Variants in GMDS observed in about 807,000 individuals in gnomAD.
The protein encoded by GMDS is GDP-mannose 4,6 dehydratase.
Under a neutral mutation model 49.9 loss-of-function variants are expected in GMDS, and 20 were observed. That is an observed-to-expected ratio of 0.40 (90% CI 0.28 to 0.58). The LOEUF (loss-of-function observed/expected upper bound fraction) is 0.58. Ranked by LOEUF, GMDS falls within the 20% of genes least tolerant of loss-of-function variation. The pLI, the probability that GMDS is intolerant of heterozygous loss-of-function variation, is 0.42. For synonymous variants in GMDS, 177 were observed against 178.6 expected, an observed-to-expected ratio of 0.99 and a Z score of 0.07; for missense variants, 362 against 481.4, an observed-to-expected ratio of 0.75 and a Z score of 2.32.
Position 2,089,887 on chromosome 6 carries a change from T to C in GMDS, c.345+25884A>G, listed in dbSNP as rs564937648. 2.6e-5 allele frequency among the ~76,000 whole-genome samples: 4 copies of C among 152,294 alleles called. No homozygotes were observed. The East Asian group carries it at 5.8e-4, about 22-fold the overall frequency. On this transcript the variant is annotated intron_variant, in intron 4 of 10. Coordinates refer to ENST00000380815, the MANE Select transcript of GMDS (RefSeq NM_001500.4). Reference sequence around the variant, plus strand: ...CTGCGTAGCACAAAAGTACTTTTCCTGTGGAACACGCTGGGGCCATGTGGA... The same window carrying C: ...CTGCGTAGCACAAAAGTACTTTTCCCGTGGAACACGCTGGGGCCATGTGGA...
intron 1 of GMDS, among the ~76,000 whole-genome samples, chr6:2,125,177 C>G: frequency 6.6e-6 from 1 of 152,154 alleles, no homozygotes; most frequent in East Asian, 1.9e-4. Context: ...GTTGCTCACA[C>G]CTATAATCCT....
At chr6:2,233,348 C>T (rs191891360) in intron 1 of GMDS, among the ~76,000 whole-genome samples, 29 of 152,310 alleles carry the variant, frequency 1.9e-4, no homozygotes, top group African/African-American at 6.3e-4. Context: ...ATTCCACTAT[C>T]CACCCTAAGG....
At position 1,841,233 on chromosome 6, in the gene GMDS, C is replaced by G. The variant is rs555476578; in HGVS notation, c.771+88870G>C. ...GTGCTAAAAATCAAATGAACTCTCT[C>G]TCCTAGAATCCCTTGCTCTCAGAAC... is the stretch of plus-strand genomic sequence containing the variant. On this transcript the variant is annotated intron_variant, in intron 7 of 10. Transcript: ENST00000380815. Among the ~76,000 whole-genome samples the G allele has an allele frequency of 4.6e-5, 7 of 152,326 alleles. No individual in the cohort carries two copies. The South Asian group carries it at 1.4e-3, about 32-fold the overall frequency.
chr6:2,059,743 C>T (rs950985683), intron 4 of GMDS, among the ~76,000 whole-genome samples: 4 of 122,332 alleles, frequency 3.3e-5, no homozygotes, highest in South Asian at 2.9e-4. Context: ...TACTGTTCAA[C>T]TCCTAAAGAA....
intron 7 of GMDS, among the ~76,000 whole-genome samples, chr6:1,873,405 T>C (rs982531963): frequency 2.6e-5 from 4 of 152,122 alleles, no homozygotes; most frequent in African/African-American, 9.7e-5. Flanking sequence ...AAGAGTGCAA[T>C]GCCACAACTA....
At chr6:2,170,040 T>C (rs1222715951) in intron 1 of GMDS, among the ~76,000 whole-genome samples, 2 of 151,972 alleles carry the variant, frequency 1.3e-5, no homozygotes, top group African/African-American at 2.4e-5. Flanking sequence ...CCCATCTCTA[T>C]TAAAAATACA....
At position 2,159,519 on chromosome 6, in the gene GMDS, T is replaced by C. The variant is rs183194733; in HGVS notation, c.103-34788A>G. Among the ~76,000 whole-genome samples the C allele has an allele frequency of 8.7e-3, 1,206 of 138,908 alleles. 12 individuals carry two copies. The highest frequency in any genetic ancestry group is 0.03 in the African/African-American group (1,127 of 37,674). 91.1% of individuals were successfully genotyped at this position (138,908 alleles called of 152,430 possible). A position where few individuals can be genotyped will look rare whatever the true frequency, so the allele number is the denominator to read the frequency against. ...TTTTCAATATTTCTTTTTTTCTTTT[T>C]TTTTTTTTTTTTTTTTTGAGACAGA... On this transcript the variant is annotated intron_variant, in intron 1 of 10. Transcript: ENST00000380815.
Position 2,170,011 on chromosome 6 carries a change from C to G in GMDS, c.103-45280G>C, listed in dbSNP as rs150951737. 1.5e-3 allele frequency among the ~76,000 whole-genome samples: 222 copies of G among 152,302 alleles called. 2 individuals are homozygous for G. In the East Asian group the frequency reaches 0.029, roughly 20 times the overall value. ...CTGAGGTCGGGAGTTCACGACCAGCCTGACCAACATAAAGAAACCCCATCT... is the reference window on the plus strand; with the variant it reads ...CTGAGGTCGGGAGTTCACGACCAGCGTGACCAACATAAAGAAACCCCATCT... On this transcript the variant is annotated intron_variant, in intron 1 of 10. Transcript: ENST00000380815.
chr6:1,915,713 C>G (rs958124353), intron 7 of GMDS, among the ~76,000 whole-genome samples: 1 of 152,232 alleles, frequency 6.6e-6, no homozygotes, highest in Admixed American at 6.5e-5. Flanking sequence ...GGGCCAGACT[C>G]AGCAAGCCTC....
chr6:1,877,238 A>G (rs1282578505), intron 7 of GMDS, among the ~76,000 whole-genome samples: 1 of 152,128 alleles, frequency 6.6e-6, no homozygotes, highest in Non-Finnish European at 1.5e-5. Context: ...AAAGAGGCCA[A>G]AAAAAGGGAA....
At chr6:2,147,541 A>T (rs1460290426) in intron 1 of GMDS, among the ~76,000 whole-genome samples, 2 of 152,072 alleles carry the variant, frequency 1.3e-5, no homozygotes, top group Non-Finnish European at 2.9e-5. Flanking sequence ...TTGAAACCTT[A>T]GCATTAATTA....
At chr6:2,226,814 A>G (rs1780832881) in intron 1 of GMDS, among the ~76,000 whole-genome samples, 1 of 152,222 alleles carries the variant, frequency 6.6e-6, no homozygotes, top group African/African-American at 2.4e-5. Flanking sequence ...GTTAACTAAC[A>G]AGATCTCTTG....
chr6:1,949,149 T>A, intron 6 of GMDS: 1 of 312,924 alleles, frequency 3.2e-6, no homozygotes, highest in Non-Finnish European at 4.7e-6. Flanking sequence ...AAATATGAAA[T>A]AAATCTTCAA....
chr6:1,822,419 G>T (rs1770938134), intron 7 of GMDS, among the ~76,000 whole-genome samples: 1 of 152,092 alleles, frequency 6.6e-6, no homozygotes, highest in Non-Finnish European at 1.5e-5. Flanking sequence ...TTCACAGGAA[G>T]TGAGTTTGTT....
At chr6:1,700,031 A>G (rs1765487440) in intron 9 of GMDS, among the ~76,000 whole-genome samples, 1 of 152,126 alleles carries the variant, frequency 6.6e-6, no homozygotes, top group East Asian at 1.9e-4. Flanking sequence ...TGCAAAAGGG[A>G]GATATTTTTG....
intron 7 of GMDS, among the ~76,000 whole-genome samples, chr6:1,750,177 T>C (rs765663288): frequency 1.1e-4 from 16 of 152,260 alleles, no homozygotes; most frequent in Non-Finnish European, 1.8e-4. Context: ...ATTGTTATAA[T>C]GAAGCAGAAG....
At chr6:1,903,905 G>T (rs147429098) in intron 7 of GMDS, among the ~76,000 whole-genome samples, 1 of 152,216 alleles carries the variant, frequency 6.6e-6, no homozygotes, top group Non-Finnish European at 1.5e-5. Context: ...AGCACATCTG[G>T]GCTTTATATT....
At chr6:1,792,776 C>A (rs1431029248) in intron 7 of GMDS, among the ~76,000 whole-genome samples, 1 of 152,070 alleles carries the variant, frequency 6.6e-6, no homozygotes, top group African/African-American at 2.4e-5. Context: ...TGATAGAATG[C>A]CAAATTTACT....
At chr6:1,891,112 A>G (rs1581313808) in intron 7 of GMDS, among the ~76,000 whole-genome samples, 1 of 152,234 alleles carries the variant, frequency 6.6e-6, no homozygotes, top group Admixed American at 6.5e-5. Flanking sequence ...GGTCTGATAC[A>G]TAAAGCCATC....
Sources: gnomAD v4.1 joint callset for allele counts (sites outside exome capture counted in the v4.1 genomes callset) on GRCh38, gnomAD v4.1.1 for gene constraint, MANE v1.5 for transcripts, NCBI Gene and HGNC (gene_info 2026-07-23, HGNC 2026-07-21) for gene names.